CDH13: variants seen among roughly 807,000 people sequenced by gnomAD.
CDH13 encodes cadherin-13.
Under a neutral mutation model 63.8 loss-of-function variants are expected in CDH13, and 24 were observed. That is an observed-to-expected ratio of 0.38 (90% CI 0.27 to 0.53). The LOEUF (loss-of-function observed/expected upper bound fraction) is 0.53. Ranked by LOEUF, CDH13 falls within the 20% of genes least tolerant of loss-of-function variation. The probability of loss-of-function intolerance (pLI) is 0.85; values close to 1 mark genes in which losing one functional copy is unlikely to be tolerated. For missense variants in CDH13, 1,049 were observed against 903.1 expected (o/e 1.16, Z -2.07); for synonymous variants, 503 against 355.3 (o/e 1.42, Z -4.67).
At chr16:83,553,599 C>G (rs964275400) in intron 7 of CDH13, among the ~76,000 whole-genome samples, 14 of 152,216 alleles carry the variant, frequency 9.2e-5, no homozygotes, top group African/African-American at 3.1e-4. Flanking sequence ...CTCTGTCGCC[C>G]AGGCTGGAGT....
chr16:82,784,200 C>A (rs1334973052), intron 1 of CDH13, among the ~76,000 whole-genome samples: 1 of 152,180 alleles, frequency 6.6e-6, no homozygotes, highest in Non-Finnish European at 1.5e-5. Flanking sequence ...TGAAGCTGCT[C>A]AGAAACTCAG....
At chr16:83,116,778 A>T (rs987303720) in intron 3 of CDH13, among the ~76,000 whole-genome samples, 3 of 152,228 alleles carry the variant, frequency 2.0e-5, no homozygotes, top group Non-Finnish European at 4.4e-5. Flanking sequence ...TACGTAAATT[A>T]TACCTCAATA....
intron 6 of CDH13, among the ~76,000 whole-genome samples, chr16:83,373,871 G>C (rs2091416061): frequency 6.6e-6 from 1 of 152,116 alleles, no homozygotes. Context: ...CTCGTGGGAG[G>C]AACAGAGACC....
chr16:83,551,357 GC>G (rs869228469), intron 7 of CDH13, among the ~76,000 whole-genome samples: 1 of 136,638 alleles, frequency 7.3e-6, no homozygotes, highest in Non-Finnish European at 1.6e-5. Context: ...ATGAGTCACC[GC>G]CCCTGGCTTA....
At chr16:83,619,467 A>G (rs952960798) in intron 8 of CDH13, among the ~76,000 whole-genome samples, 1 of 152,198 alleles carries the variant, frequency 6.6e-6, no homozygotes, top group African/African-American at 2.4e-5. Context: ...TCAACAACAG[A>G]TGTTTATTAC....
intron 8 of CDH13, among the ~76,000 whole-genome samples, chr16:83,620,476 A>G (rs1239554827): frequency 1.3e-5 from 2 of 152,070 alleles, no homozygotes; most frequent in African/African-American, 4.8e-5. Flanking sequence ...TTAGTCCACA[A>G]GAGTGAGTCA....
intron 1 of CDH13, among the ~76,000 whole-genome samples, chr16:82,812,710 C>A (rs1222312639): frequency 6.6e-6 from 1 of 152,044 alleles, no homozygotes; most frequent in Admixed American, 6.6e-5. Flanking sequence ...AGTTTGGCGG[C>A]TAAAAAGGAG....
At chr16:83,443,786 C>T (rs1327114057) in intron 6 of CDH13, among the ~76,000 whole-genome samples, 1 of 133,292 alleles carries the variant, frequency 7.5e-6, no homozygotes, top group Non-Finnish European at 1.6e-5. Flanking sequence ...AGAGCGAGAG[C>T]AAGCCAGGCT....
rs560068119 is a variant in CDH13, at chr16:82,753,256, A to G, written c.46-105106A>G. On this transcript the variant is annotated intron_variant, in intron 1 of 13. Coordinates refer to ENST00000567109, the MANE Select transcript of CDH13 (RefSeq NM_001257.5). The stretch of plus-strand genomic sequence containing the variant: ...AGTACATGGATGGCATCTCAGTTCA[A>G]TCTCTCTTTATTATTTTGGCATAAT... Among the ~76,000 whole-genome samples the G allele has an allele frequency of 3.9e-5, 6 of 152,238 alleles. No individual in the cohort carries two copies. In the South Asian group the frequency reaches 8.3e-4, roughly 21 times the overall value.
At chr16:83,205,709 A>G (rs961316798) in intron 4 of CDH13, among the ~76,000 whole-genome samples, 1 of 149,528 alleles carries the variant, frequency 6.7e-6, no homozygotes, top group Non-Finnish European at 1.5e-5. Context: ...ATTTCAAGCG[A>G]TTCCCCTGCC....
intron 1 of CDH13, among the ~76,000 whole-genome samples, chr16:82,700,795 A>G (rs1318554028): frequency 3.9e-5 from 6 of 152,086 alleles, no homozygotes; most frequent in South Asian, 2.1e-4. Context: ...GTTTTCTGGT[A>G]TGACTTCCCA....
chr16:83,415,483 A>G (rs1450354205), intron 6 of CDH13, among the ~76,000 whole-genome samples: 2 of 152,192 alleles, frequency 1.3e-5, no homozygotes, highest in Non-Finnish European at 2.9e-5. Flanking sequence ...AAAGACCAAT[A>G]TCCCTGATAA....
chr16:83,019,008 T>G (rs1304413683), intron 2 of CDH13, among the ~76,000 whole-genome samples: 1 of 152,248 alleles, frequency 6.6e-6, no homozygotes, highest in Non-Finnish European at 1.5e-5. Flanking sequence ...GACATTACTG[T>G]GCAGGACTAT....
chr16:82,708,030 C>T (rs77680289), intron 1 of CDH13, among the ~76,000 whole-genome samples: 1 of 152,232 alleles, frequency 6.6e-6, no homozygotes, highest in Admixed American at 6.5e-5. Flanking sequence ...CTTTTTCCTT[C>T]CAGCTGTTGC....
chr16:83,423,809 G>A (rs1429774487), intron 6 of CDH13, among the ~76,000 whole-genome samples: 1 of 152,204 alleles, frequency 6.6e-6, no homozygotes, highest in Non-Finnish European at 1.5e-5. Flanking sequence ...TGGCCCTTGA[G>A]CATTCCTGCC....
At chr16:83,349,501 C>A (rs1220225942) in intron 6 of CDH13, among the ~76,000 whole-genome samples, 1 of 152,028 alleles carries the variant, frequency 6.6e-6, no homozygotes, top group Non-Finnish European at 1.5e-5. Context: ...TTGAGGCCTG[C>A]CTGTGGTTTG....
intron 2 of CDH13, chr16:82,925,855 T>G (rs531794937): frequency 2.0e-5 from 3 of 152,264 alleles, no homozygotes; most frequent in South Asian, 4.2e-4. Context: ...ACTTTTTTTT[T>G]GTTGTTTTCT....
chr16:83,749,682 C>A (rs1026541083), intron 11 of CDH13, among the ~76,000 whole-genome samples: 1 of 152,128 alleles, frequency 6.6e-6, no homozygotes, highest in Non-Finnish European at 1.5e-5. Flanking sequence ...AGATCTTGTG[C>A]TTGGTCCTGG....
At chr16:83,044,513 C>T (rs1211997636) in intron 3 of CDH13, among the ~76,000 whole-genome samples, 1 of 152,180 alleles carries the variant, frequency 6.6e-6, no homozygotes, top group Non-Finnish European at 1.5e-5. Flanking sequence ...CTTGTGGAAA[C>T]AGCACGAGGT....
Sources: allele counts gnomAD v4.1 joint callset (sites outside exome capture counted in the v4.1 genomes callset), GRCh38; gene constraint gnomAD v4.1.1; transcripts MANE v1.5; gene names NCBI Gene and HGNC (gene_info 2026-07-23, HGNC 2026-07-21).